The following GMDS variants were observed in gnomAD, a reference collection of about 807,000 sequenced individuals.
GMDS encodes the protein GDP-mannose 4,6 dehydratase.
A neutral mutation model predicts 49.9 loss-of-function variants in GMDS; 20 were observed. The ratio of observed to expected loss-of-function variants is 0.40; its 90% CI spans 0.28 to 0.58. The LOEUF is 0.58. Among genes scored for constraint, GMDS ranks in the 20% least tolerant of loss-of-function variants. The pLI, the probability that GMDS is intolerant of heterozygous loss-of-function variation, is 0.42. For synonymous variants in GMDS, 177 were observed against 178.6 expected (o/e 0.99, Z 0.07); for missense variants, 362 against 481.4 (o/e 0.75, Z 2.32).
intron 6 of GMDS, among the ~76,000 whole-genome samples, chr6:1,933,766 C>T (rs902694317): frequency 2.6e-5 from 4 of 152,180 alleles, no homozygotes; most frequent in Admixed American, 2.6e-4. Flanking sequence ...CATTCTGGAT[C>T]CAAGTCCCTT....
chr6:2,209,495 C>G (rs915773579), intron 1 of GMDS, among the ~76,000 whole-genome samples: 1 of 151,884 alleles, frequency 6.6e-6, no homozygotes, highest in Non-Finnish European at 1.5e-5. Context: ...ACTCACACAC[C>G]TGCTGTCAGT....
intron 4 of GMDS, among the ~76,000 whole-genome samples, chr6:2,069,903 C>G (rs1156344995): frequency 5.3e-5 from 8 of 152,214 alleles, no homozygotes; most frequent in Non-Finnish European, 7.3e-5. Flanking sequence ...TTTGACCCAG[C>G]CATCCCATTA....
At chr6:2,112,679 T>C (rs1774616380) in intron 4 of GMDS, among the ~76,000 whole-genome samples, 1 of 152,216 alleles carries the variant, frequency 6.6e-6, no homozygotes, top group East Asian at 1.9e-4. Flanking sequence ...CTAAACCCCT[T>C]GCACGCTGGC....
intron 7 of GMDS, among the ~76,000 whole-genome samples, chr6:1,922,741 C>G (rs750452773): frequency 1.2e-4 from 19 of 152,180 alleles, no homozygotes; most frequent in Non-Finnish European, 2.6e-4. Context: ...GATGGCTTGA[C>G]TCAGGGAAGA....
At chr6:2,119,583 C>G (rs1001618196) in intron 2 of GMDS, among the ~76,000 whole-genome samples, 1 of 152,158 alleles carries the variant, frequency 6.6e-6, no homozygotes, top group Non-Finnish European at 1.5e-5. Flanking sequence ...GTGCAAACTG[C>G]ACAATCTAGT....
At chr6:2,069,113 C>T (rs1481950391) in intron 4 of GMDS, among the ~76,000 whole-genome samples, 1 of 152,088 alleles carries the variant, frequency 6.6e-6, no homozygotes, top group African/African-American at 2.4e-5. Context: ...AATAACGTCG[C>T]GTATCTAAAA....
chr6:2,178,085 T>C (rs914136516), intron 1 of GMDS, among the ~76,000 whole-genome samples: 1 of 152,048 alleles, frequency 6.6e-6, no homozygotes, highest in Non-Finnish European at 1.5e-5. Flanking sequence ...AGATAAACAT[T>C]GGGTATTCAT....
intron 7 of GMDS, among the ~76,000 whole-genome samples, chr6:1,923,293 C>T (rs559800085): frequency 1.3e-5 from 2 of 152,270 alleles, no homozygotes; most frequent in Non-Finnish European, 2.9e-5. Flanking sequence ...GTGCGGGTAC[C>T]CAAAAAAAGC....
intron 1 of GMDS, among the ~76,000 whole-genome samples, chr6:2,227,738 C>T (rs556584811): frequency 3.3e-5 from 5 of 152,246 alleles, no homozygotes; most frequent in African/African-American, 1.2e-4. Flanking sequence ...CACAGAGGTC[C>T]CCTGGGTCAC....
At chr6:2,175,873 C>T in intron 1 of GMDS, 1 of 866,880 alleles carries the variant, frequency 1.2e-6, no homozygotes, top group African/African-American at 1.7e-5. Context: ...ATAAACAGCC[C>T]TATCAGGCTT....
intron 9 of GMDS, chr6:1,680,026 T>C (rs1313576394): frequency 1.3e-5 from 2 of 152,238 alleles, no homozygotes; most frequent in African/African-American, 4.8e-5. Context: ...ATAGCCACAT[T>C]GAACAAATAC....
chr6:2,150,400 T>G (rs1251774722), intron 1 of GMDS, among the ~76,000 whole-genome samples: 2 of 152,136 alleles, frequency 1.3e-5, no homozygotes, highest in African/African-American at 4.8e-5. Context: ...AAATAAAAAT[T>G]TTTAAACATA....
chr6:1,825,880 G>C (rs1313563795), intron 7 of GMDS, among the ~76,000 whole-genome samples: 1 of 152,158 alleles, frequency 6.6e-6, no homozygotes, highest in Non-Finnish European at 1.5e-5. Context: ...GCCAGGCGTG[G>C]TGGCATGCAC....
At chr6:2,159,575 G>A (rs565371921) in intron 1 of GMDS, among the ~76,000 whole-genome samples, 36 of 138,386 alleles carry the variant, frequency 2.6e-4, no homozygotes, top group African/African-American at 9.6e-4. Flanking sequence ...CTGGAGTGCA[G>A]TGGCATGATC....
chr6:1,648,092 A>G (rs950299537), intron 9 of GMDS, among the ~76,000 whole-genome samples: 1 of 152,162 alleles, frequency 6.6e-6, no homozygotes, highest in Non-Finnish European at 1.5e-5. Flanking sequence ...CTCAAAATAT[A>G]TCTCTTGAGA....
At chr6:1,977,951 G>A (rs1210300075) in intron 4 of GMDS, among the ~76,000 whole-genome samples, 2 of 152,144 alleles carry the variant, frequency 1.3e-5, no homozygotes, top group African/African-American at 4.8e-5. Flanking sequence ...CTAGGAAAGG[G>A]GCTGAATCCA....
intron 7 of GMDS, among the ~76,000 whole-genome samples, chr6:1,821,969 T>A (rs533752383): frequency 1.1e-3 from 168 of 152,266 alleles, no homozygotes; most frequent in Non-Finnish European, 1.8e-3. Context: ...TGGGTCAATT[T>A]GATCAAGACG....
intron 7 of GMDS, among the ~76,000 whole-genome samples, chr6:1,812,297 A>G (rs746572307): frequency 2.0e-5 from 3 of 152,166 alleles, no homozygotes; most frequent in Non-Finnish European, 4.4e-5. Context: ...AGAAAGGCCC[A>G]GGACCCTGGT....
intron 4 of GMDS, among the ~76,000 whole-genome samples, chr6:2,063,434 C>T (rs1771311532): frequency 6.6e-6 from 1 of 152,132 alleles, no homozygotes; most frequent in Non-Finnish European, 1.5e-5. Context: ...AATCACAAAG[C>T]ACAAATATTC....
Sources: gnomAD v4.1 joint callset for allele counts (sites outside exome capture counted in the v4.1 genomes callset) on GRCh38, gnomAD v4.1.1 for gene constraint, MANE v1.5 for transcripts, NCBI Gene and HGNC (gene_info 2026-07-23, HGNC 2026-07-21) for gene names.